The following TMEM135 variants were observed in gnomAD, a reference collection of about 807,000 sequenced individuals.
The protein encoded by TMEM135 is peroxisomal membrane protein 52.
In TMEM135, 30 loss-of-function variants were observed where a neutral mutation model predicts 60.3. That is an observed-to-expected ratio of 0.50 (90% CI 0.37 to 0.68). TMEM135 has a LOEUF of 0.68. TMEM135 is among the 30% of genes least tolerant of loss of function. TMEM135 has a pLI of 0.00. For synonymous variants in TMEM135, 190 were observed against 186.7 expected, an observed-to-expected ratio of 1.02 and a Z score of -0.14; for missense variants, 468 against 548.8, an observed-to-expected ratio of 0.85 and a Z score of 1.47.
At chr11:87,264,879 A>G (rs542355347) in intron 6 of TMEM135, among the ~76,000 whole-genome samples, 1 of 152,002 alleles carries the variant, frequency 6.6e-6, no homozygotes, top group South Asian at 2.1e-4. Flanking sequence ...ATAAAAAGAG[A>G]TTGTGTGTTA....
At chr11:87,132,724 G>A (rs1446372061) in intron 4 of TMEM135, among the ~76,000 whole-genome samples, 2 of 152,102 alleles carry the variant, frequency 1.3e-5, no homozygotes, top group African/African-American at 4.8e-5. Flanking sequence ...TAGGCTTGCA[G>A]TAGTCCCTGT....
chr11:87,295,308 T>C (rs986050549), intron 6 of TMEM135, among the ~76,000 whole-genome samples: 22 of 152,200 alleles, frequency 1.4e-4, no homozygotes, highest in African/African-American at 4.3e-4. Flanking sequence ...GAACTAAACT[T>C]GAAACCTTTC....
chr11:87,121,994 G>A (rs1231694837), intron 4 of TMEM135, among the ~76,000 whole-genome samples: 14 of 152,168 alleles, frequency 9.2e-5, no homozygotes, highest in South Asian at 2.1e-4. Context: ...AACTTGGCCA[G>A]TTAGGTTCTT....
chr11:87,069,036 GC>G (rs1445774930), intron 2 of TMEM135, among the ~76,000 whole-genome samples: 1 of 134,540 alleles, frequency 7.4e-6, no homozygotes, highest in Non-Finnish European at 1.6e-5. Context: ...GGGCGCGGTG[GC>G]TCACGCCTGT....
rs1942842593 is a variant in TMEM135 at position 87,322,648 on chromosome 11, G to A, written c.*1315G>A. 1 of 453,454 alleles carries A rather than the reference G, an allele frequency of 2.2e-6. No homozygotes were observed. The highest frequency in any genetic ancestry group is 2.4e-5 in the Admixed American group (1 of 42,524). The allele number at this position is 453,454 out of a possible 1,614,324, so 28.1% of individuals were successfully genotyped here. On this transcript the variant is annotated 3_prime_UTR_variant, in exon 15 of 15. Coordinates refer to ENST00000305494, the MANE Select transcript of TMEM135 (RefSeq NM_022918.4). ...TTTTTAGGCCAGTGCAAATTATGCA[G>A]TAGAACTTGTGTTGCAAAAGGAATT...
rs924903119 is a variant in TMEM135 at position 87,324,173 on chromosome 11, T to G, written c.*2840T>G. 1 of 454,090 alleles carries G rather than the reference T, an allele frequency of 2.2e-6. No homozygotes were observed. The highest frequency in any genetic ancestry group is 2.0e-5 in the African/African-American group (1 of 50,116). 28.1% of individuals were successfully genotyped at this position (454,090 alleles called of 1,614,324 possible). On this transcript the variant is annotated 3_prime_UTR_variant, in exon 15 of 15. Transcript: ENST00000305494. ...CATTTAGTTGTTAATGCTGACGTAA[T>G]TGTTTCCTGCTTATATTTTATCATA...
At chr11:87,117,196 G>C (rs1019655856) in intron 4 of TMEM135, among the ~76,000 whole-genome samples, 1 of 152,186 alleles carries the variant, frequency 6.6e-6, no homozygotes, top group African/African-American at 2.4e-5. Context: ...GTGATATCAG[G>C]AATGATCAGG....
At chr11:87,077,414 T>A (rs1362060133) in intron 3 of TMEM135, among the ~76,000 whole-genome samples, 3 of 152,248 alleles carry the variant, frequency 2.0e-5, no homozygotes, top group African/African-American at 7.2e-5. Flanking sequence ...TTTATGTTAT[T>A]TTCAGTTTTT....
chr11:87,136,870 G>C lies in TMEM135; in HGVS notation c.397-20471G>C, dbSNP rs1211476102. ...TTGTGTCACCTCATTCCTGATAATG[G>C]TAATTTGTGCCTTCTTTCTTCTTTT... On this transcript the variant is annotated intron_variant, in intron 4 of 14. Coordinates refer to ENST00000305494, the MANE Select transcript of TMEM135 (RefSeq NM_022918.4). Among the ~76,000 whole-genome samples the C allele has an allele frequency of 3.3e-5, 5 of 151,926 alleles. No homozygotes were observed. In the East Asian group the frequency reaches 9.6e-4, roughly 29 times the overall value.
intron 1 of TMEM135, among the ~76,000 whole-genome samples, chr11:87,062,699 G>C (rs1949962325): frequency 6.6e-6 from 1 of 151,784 alleles, no homozygotes; most frequent in Non-Finnish European, 1.5e-5. Flanking sequence ...TCCTGACCTT[G>C]TGATCCATCT....
intron 5 of TMEM135, among the ~76,000 whole-genome samples, chr11:87,202,322 A>G (rs1228282616): frequency 1.3e-5 from 2 of 152,006 alleles, no homozygotes; most frequent in African/African-American, 4.8e-5. Context: ...CGCCATGCCC[A>G]GACTGTTTTA....
At chr11:87,117,284 A>G (rs1051677220) in intron 4 of TMEM135, among the ~76,000 whole-genome samples, 1 of 152,224 alleles carries the variant, frequency 6.6e-6, no homozygotes, top group Non-Finnish European at 1.5e-5. Context: ...GGTTGGCATG[A>G]CTGTGCCAAT....
chr11:87,194,775 A>G (rs1158053555), intron 5 of TMEM135, among the ~76,000 whole-genome samples: 2 of 152,180 alleles, frequency 1.3e-5, no homozygotes, highest in Admixed American at 1.3e-4. Flanking sequence ...AAACCTAACT[A>G]AATCCAGTGT....
At chr11:87,241,022 A>G (rs1181913821) in intron 6 of TMEM135, among the ~76,000 whole-genome samples, 1 of 136,858 alleles carries the variant, frequency 7.3e-6, no homozygotes, top group African/African-American at 2.8e-5. Flanking sequence ...GTTTATTGTT[A>G]TACTTTAAAC....
chr11:87,129,240 TTTTTTTTTTTTTTTTTTTTTG>T (rs1282005288), intron 4 of TMEM135, among the ~76,000 whole-genome samples: 1 of 21,388 alleles, frequency 4.7e-5, no homozygotes, highest in Non-Finnish European at 9.4e-5. Flanking sequence ...TTTTTTTTTT[TTTTTTTTTTTTTTTTTTTTTG>T]AGACGGAGTC....
At chr11:87,159,899 G>C (rs963535073) in intron 5 of TMEM135, among the ~76,000 whole-genome samples, 2 of 151,988 alleles carry the variant, frequency 1.3e-5, no homozygotes, top group Non-Finnish European at 2.9e-5. Context: ...TAATTTAAAG[G>C]ATTATTTAAA....
At chr11:87,228,616 C>G (rs541656542) in intron 5 of TMEM135, among the ~76,000 whole-genome samples, 2 of 152,136 alleles carry the variant, frequency 1.3e-5, no homozygotes, top group South Asian at 4.1e-4. Flanking sequence ...CACTAAGCAC[C>G]AATGTCTTTG....
At chr11:87,265,149 G>T (rs1338072640) in intron 6 of TMEM135, among the ~76,000 whole-genome samples, 1 of 151,910 alleles carries the variant, frequency 6.6e-6, no homozygotes, top group African/African-American at 2.4e-5. Context: ...GAAATTTAGA[G>T]CTAGAACAAA....
chr11:87,163,507 T>A (rs1191152928), intron 5 of TMEM135, among the ~76,000 whole-genome samples: 2 of 151,862 alleles, frequency 1.3e-5, no homozygotes, highest in Non-Finnish European at 2.9e-5. Context: ...TAAGTGTGCA[T>A]GTGTCTTTAT....
Sources: allele counts gnomAD v4.1 joint callset (sites outside exome capture counted in the v4.1 genomes callset), GRCh38; gene constraint gnomAD v4.1.1; transcripts MANE v1.5; gene names NCBI Gene and HGNC (gene_info 2026-07-23, HGNC 2026-07-21).